Variants in NTRK2 observed in about 807,000 individuals in gnomAD.
NTRK2 encodes BDNF/NT-3 growth factors receptor.
In NTRK2, 13 loss-of-function variants were observed where a neutral mutation model predicts 94.5. The observed-to-expected ratio is 0.14, with a 90% CI of 0.09 to 0.22. NTRK2 has a LOEUF of 0.22. Among genes scored for constraint, NTRK2 ranks in the 10% least tolerant of loss-of-function variants. The pLI, the probability that NTRK2 is intolerant of heterozygous loss-of-function variation, is 1.00. For synonymous variants in NTRK2, 372 were observed against 407.4 expected (o/e 0.91, Z 1.05); for missense variants, 639 against 1,071.2 (o/e 0.60, Z 5.63).
At chr9:84,962,702 T>G (rs1055642900) in intron 17 of NTRK2, among the ~76,000 whole-genome samples, 1 of 152,146 alleles carries the variant, frequency 6.6e-6, no homozygotes, top group Non-Finnish European at 1.5e-5. Context: ...TTTGAAACAG[T>G]TGGGCCTCCG....
intron 2 of NTRK2, among the ~76,000 whole-genome samples, chr9:84,683,604 G>T (rs2059525944): frequency 6.6e-6 from 1 of 152,172 alleles, no homozygotes; most frequent in Non-Finnish European, 1.5e-5. Context: ...TGGGCATTTT[G>T]GTTGGTTCCA....
At chr9:84,716,035 G>A (rs998181886) in intron 6 of NTRK2, among the ~76,000 whole-genome samples, 1 of 152,012 alleles carries the variant, frequency 6.6e-6, no homozygotes, top group Non-Finnish European at 1.5e-5. Flanking sequence ...TATTCCTCTG[G>A]GTCATATCAA....
intron 14 of NTRK2, among the ~76,000 whole-genome samples, chr9:84,885,240 T>C (rs910827299): frequency 2.0e-5 from 3 of 152,190 alleles, no homozygotes; most frequent in African/African-American, 7.2e-5. Context: ...ATCAGAAACC[T>C]GAAAGACCAG....
At chr9:85,010,601 T>C (rs1831457458) in intron 17 of NTRK2, among the ~76,000 whole-genome samples, 1 of 152,216 alleles carries the variant, frequency 6.6e-6, no homozygotes, top group Non-Finnish European at 1.5e-5. Context: ...GTTTCATTCT[T>C]CCATTGATCC....
At chr9:84,947,175 C>G (rs191486260) in intron 15 of NTRK2, among the ~76,000 whole-genome samples, 2 of 152,252 alleles carry the variant, frequency 1.3e-5, no homozygotes, top group South Asian at 2.1e-4. Context: ...AGGCTGATCT[C>G]GAACTCCTGA....
At chr9:84,782,283 A>G (rs1204451550) in intron 12 of NTRK2, among the ~76,000 whole-genome samples, 2 of 152,242 alleles carry the variant, frequency 1.3e-5, no homozygotes, top group Non-Finnish European at 2.9e-5. Flanking sequence ...TAATCTGAAC[A>G]TACTTGAAAT....
chr9:84,772,673 A>C (rs562416199), intron 12 of NTRK2, among the ~76,000 whole-genome samples: 1 of 152,284 alleles, frequency 6.6e-6, no homozygotes, highest in East Asian at 1.9e-4. Flanking sequence ...CCCACAAAAG[A>C]GGGGGATGAT....
At chr9:84,850,031 T>A (rs908106476) in intron 12 of NTRK2, among the ~76,000 whole-genome samples, 5 of 152,142 alleles carry the variant, frequency 3.3e-5, no homozygotes, top group Admixed American at 2.6e-4. Context: ...AAATAATGAA[T>A]GCAGTGCAGA....
intron 14 of NTRK2, chr9:84,873,810 G>A: frequency 9.5e-7 from 1 of 1,055,478 alleles, no homozygotes; most frequent in Non-Finnish European, 1.1e-6. Flanking sequence ...CCCAAGTATA[G>A]TATACTTAGA....
intron 17 of NTRK2, among the ~76,000 whole-genome samples, chr9:85,009,514 G>T (rs1831331343): frequency 6.6e-6 from 1 of 152,188 alleles, no homozygotes; most frequent in South Asian, 2.1e-4. Context: ...AGCAGCTGCT[G>T]CTTGTAGCAT....
chr9:84,948,088 CAT>C (rs2132875133), intron 15 of NTRK2, among the ~76,000 whole-genome samples: 1 of 152,312 alleles, frequency 6.6e-6, no homozygotes, highest in South Asian at 2.1e-4. Flanking sequence ...TGAATCATAA[CAT>C]AAAGTTTTTA....
intron 14 of NTRK2, chr9:84,874,247 G>T: frequency 9.4e-7 from 1 of 1,065,520 alleles, no homozygotes; most frequent in East Asian, 5.0e-5. Context: ...AGAAGCTCCT[G>T]CTACCCAGGT....
At chr9:84,787,510 A>G (rs369261722) in intron 12 of NTRK2, among the ~76,000 whole-genome samples, 25 of 152,234 alleles carry the variant, frequency 1.6e-4, no homozygotes, top group African/African-American at 5.8e-4. Context: ...TATTCAGGGT[A>G]CCAGGTCATG....
At chr9:84,867,487 G>T in intron 14 of NTRK2, 56 bp downstream of exon 14, 1 of 1,464,608 alleles carries the variant, frequency 6.8e-7, no homozygotes, top group Non-Finnish European at 9.6e-7. Flanking sequence ...GTATCAACCA[G>T]AGTGTTTATC....
At chr9:84,860,248 G>A (rs1000920187) in intron 12 of NTRK2, among the ~76,000 whole-genome samples, 2 of 152,142 alleles carry the variant, frequency 1.3e-5, no homozygotes, top group African/African-American at 2.4e-5. Context: ...TGAATCCAGC[G>A]GAAATTACCT....
chr9:84,999,313 A>G (rs1236611360), intron 17 of NTRK2, among the ~76,000 whole-genome samples: 1 of 152,238 alleles, frequency 6.6e-6, no homozygotes, highest in African/African-American at 2.4e-5. Context: ...CCCATCAGTA[A>G]GTTATAAAGC....
intron 17 of NTRK2, among the ~76,000 whole-genome samples, chr9:85,015,188 T>C (rs1832078865): frequency 6.6e-6 from 1 of 152,196 alleles, no homozygotes; most frequent in Non-Finnish European, 1.5e-5. Context: ...TTATACATAA[T>C]GAAGTCTTCC....
chr9:84,745,237 AG>A (rs2063965969), intron 11 of NTRK2, among the ~76,000 whole-genome samples, 164 bp downstream of exon 11: 1 of 152,024 alleles, frequency 6.6e-6, no homozygotes, highest in Non-Finnish European at 1.5e-5. Flanking sequence ...AAAGTGATAA[AG>A]GTGTTATATG....
At chr9:84,860,891 G>GTTTATTTATTTA (rs143811359) in intron 12 of NTRK2, 149 bp from the exon 13 acceptor site, 3 of 379,048 alleles carry the variant, frequency 7.9e-6, no homozygotes, top group African/African-American at 4.3e-5. Flanking sequence ...CAAGTGGTTT[G>GTTTATTTATTTA]TTTATTTATT....
Sources: allele counts gnomAD v4.1 joint callset (sites outside exome capture counted in the v4.1 genomes callset), GRCh38; gene constraint gnomAD v4.1.1; transcripts MANE v1.5; gene names NCBI Gene and HGNC (gene_info 2026-07-23, HGNC 2026-07-21).